The following AUTS2 variants were observed in gnomAD, a reference collection of about 807,000 sequenced individuals.
The protein encoded by AUTS2 is activator of transcription and developmental regulator AUTS2, also known as autism susceptibility gene 2 protein.
AUTS2 carries 17 observed loss-of-function variants against 112.4 expected under a neutral mutation model. The ratio of observed to expected loss-of-function variants is 0.15; its 90% confidence interval spans 0.10 to 0.23. The LOEUF (loss-of-function observed/expected upper bound fraction) is 0.23. AUTS2 is among the 10% of genes least tolerant of loss of function. AUTS2 has a pLI of 1.00. For synonymous variants in AUTS2, 751 were observed against 702.7 expected (o/e 1.07, Z -1.09); for missense variants, 1,510 against 1,701.6 (o/e 0.89, Z 1.98).
intron 5 of AUTS2, among the ~76,000 whole-genome samples, chr7:70,465,006 C>G (rs575644591): frequency 3.3e-5 from 5 of 152,292 alleles, no homozygotes; most frequent in African/African-American, 9.6e-5. Context: ...CTTAGCTCCT[C>G]CTGCTTCCCA....
intron 2 of AUTS2, among the ~76,000 whole-genome samples, chr7:69,959,896 T>C (rs191786867): frequency 6.6e-6 from 1 of 152,260 alleles, no homozygotes; most frequent in East Asian, 1.9e-4. Flanking sequence ...AGCTAGAGAA[T>C]ATATGGCCAG....
intron 4 of AUTS2, among the ~76,000 whole-genome samples, chr7:70,278,088 C>T (rs1423335011): frequency 6.6e-6 from 1 of 151,886 alleles, no homozygotes; most frequent in African/African-American, 2.4e-5. Flanking sequence ...TGAACATATT[C>T]CTGGGCAGAA....
At chr7:69,875,902 A>G (rs1394664790) in intron 1 of AUTS2, among the ~76,000 whole-genome samples, 1 of 152,122 alleles carries the variant, frequency 6.6e-6, no homozygotes, top group Non-Finnish European at 1.5e-5. Context: ...ACATTAGTAA[A>G]TAGTTATTCA....
chr7:69,894,442 A>C (rs1562955020), intron 1 of AUTS2, among the ~76,000 whole-genome samples: 1 of 152,022 alleles, frequency 6.6e-6, no homozygotes, highest in Non-Finnish European at 1.5e-5. Flanking sequence ...GGATTTTGAC[A>C]CATATATAGG....
chr7:70,616,760 T>G (rs550714105), intron 5 of AUTS2, among the ~76,000 whole-genome samples: 25 of 151,476 alleles, frequency 1.7e-4, no homozygotes, highest in Non-Finnish European at 3.0e-4. Context: ...ATAGTTTTTT[T>G]TTTTTTTTTT....
chr7:70,211,353 G>GA (rs1810878851), intron 4 of AUTS2, among the ~76,000 whole-genome samples: 1 of 142,546 alleles, frequency 7.0e-6, no homozygotes, highest in Non-Finnish European at 1.5e-5. Flanking sequence ...TTTTTTAAAA[G>GA]AAAAAAGACT....
chr7:70,123,434 C>G (rs527342320), intron 3 of AUTS2, among the ~76,000 whole-genome samples: 4 of 152,120 alleles, frequency 2.6e-5, no homozygotes, highest in African/African-American at 9.6e-5. Flanking sequence ...ATTATTTCAT[C>G]ACCCAGAATT....
intron 1 of AUTS2, among the ~76,000 whole-genome samples, chr7:69,627,853 G>A (rs902905833): frequency 1.4e-4 from 21 of 152,262 alleles, no homozygotes; most frequent in Non-Finnish European, 7.3e-5. Context: ...CAGGTTTGAG[G>A]ATTAAATGAG....
chr7:70,053,683 G>C (rs1033412149), intron 2 of AUTS2, among the ~76,000 whole-genome samples: 3 of 151,938 alleles, frequency 2.0e-5, no homozygotes, highest in Non-Finnish European at 4.4e-5. Flanking sequence ...TGGACTACAG[G>C]CATGCACCAC....
At chr7:69,889,738 T>C (rs1794437088) in intron 1 of AUTS2, among the ~76,000 whole-genome samples, 1 of 152,186 alleles carries the variant, frequency 6.6e-6, no homozygotes, top group African/African-American at 2.4e-5. Context: ...TGTGTTACTT[T>C]AGTGGATTAG....
intron 6 of AUTS2, among the ~76,000 whole-genome samples, chr7:70,703,489 T>TTAAA (rs1809569161): frequency 6.1e-5 from 1 of 16,486 alleles, no homozygotes; most frequent in African/African-American, 2.6e-4. Flanking sequence ...AGACACCATT[T>TTAAA]CAAAAAAAAA....
At chr7:70,532,206 T>C (rs940339293) in intron 5 of AUTS2, among the ~76,000 whole-genome samples, 1 of 152,052 alleles carries the variant, frequency 6.6e-6, no homozygotes, top group African/African-American at 2.4e-5. Context: ...ATCGCGTTGC[T>C]GATGAGCCAC....
chr7:70,006,527 C>A (rs1323218460), intron 2 of AUTS2, among the ~76,000 whole-genome samples: 1 of 152,148 alleles, frequency 6.6e-6, no homozygotes, highest in East Asian at 1.9e-4. Context: ...TGTTTCCTGT[C>A]ATTTCCCATC....
intron 5 of AUTS2, among the ~76,000 whole-genome samples, chr7:70,553,031 C>A (rs1376949720): frequency 6.6e-6 from 1 of 152,172 alleles, no homozygotes; most frequent in Non-Finnish European, 1.5e-5. Context: ...CAGCAGAAGG[C>A]CTGGAGCAAA....
At chr7:70,494,576 T>TC (rs895295944) in intron 5 of AUTS2, among the ~76,000 whole-genome samples, 2 of 129,668 alleles carry the variant, frequency 1.5e-5, no homozygotes, top group Non-Finnish European at 3.2e-5. Flanking sequence ...CCACCGCCCC[T>TC]CCCCCCCGAC....
chr7:70,474,444 G>T (rs926829960), intron 5 of AUTS2, among the ~76,000 whole-genome samples: 5 of 152,162 alleles, frequency 3.3e-5, no homozygotes, highest in Non-Finnish European at 5.9e-5. Context: ...TCTTATAACA[G>T]TCATGGTCCT....
intron 2 of AUTS2, among the ~76,000 whole-genome samples, chr7:69,953,404 A>G (rs997541491): frequency 6.6e-6 from 1 of 152,176 alleles, no homozygotes; most frequent in Non-Finnish European, 1.5e-5. Context: ...CTCAGCAACA[A>G]TAAGTACTCT....
intron 1 of AUTS2, among the ~76,000 whole-genome samples, chr7:69,715,671 A>G (rs766417056): frequency 2.6e-5 from 4 of 152,230 alleles, no homozygotes; most frequent in Non-Finnish European, 5.9e-5. Flanking sequence ...GGGTAATGAG[A>G]GCAAGGGATG....
rs116858455 is a variant in AUTS2, at chr7:70,001,633, T to C, written c.522+102135T>C. 5.4e-3 allele frequency among the ~76,000 whole-genome samples: 821 copies of C among 152,120 alleles called. 4 individuals are homozygous for C. The highest frequency in any genetic ancestry group is 9.5e-3 in the Non-Finnish European group (645 of 68,008). ...AGAAGTTCAAGGTGAAAGAACAGTC[T>C]ATAAGGTAATACCTGCCTGTCTGCA... On this transcript the variant is annotated intron_variant, in intron 2 of 18. Coordinates refer to ENST00000342771, the MANE Select transcript of AUTS2 (RefSeq NM_015570.4).
Sources: allele counts gnomAD v4.1 joint callset (sites outside exome capture counted in the v4.1 genomes callset), GRCh38; gene constraint gnomAD v4.1.1; transcripts MANE v1.5; gene names NCBI Gene and HGNC (gene_info 2026-07-23, HGNC 2026-07-21).